TRIM37: variants seen among roughly 807,000 people sequenced by gnomAD.
TRIM37 encodes the protein tripartite motif containing 37, also known as E3 ubiquitin-protein ligase TRIM37.
Under a neutral mutation model 129.8 loss-of-function variants are expected in TRIM37, and 80 were observed. The observed-to-expected ratio is 0.62, with a 90% CI of 0.51 to 0.74. TRIM37 has a LOEUF of 0.74. TRIM37 is among the 30% of genes least tolerant of loss of function. The pLI is 0.00. For synonymous variants in TRIM37, 389 were observed against 387.1 expected, an observed-to-expected ratio of 1.00 and a Z score of -0.06; for missense variants, 1,054 against 1,176.5, an observed-to-expected ratio of 0.90 and a Z score of 1.52.
chr17:59,106,268 C>G (rs2045980019), intron 1 of TRIM37, among the ~76,000 whole-genome samples, 173 bp downstream of exon 1: 1 of 152,194 alleles, frequency 6.6e-6, no homozygotes, highest in Non-Finnish European at 1.5e-5. Context: ...ACAAGACACC[C>G]GGAGCGCTGC....
At position 58,999,212 on chromosome 17, in the gene TRIM37, A is replaced by C. The variant is rs2033352057; in HGVS notation, c.*165T>G. On this transcript the variant is annotated 3_prime_UTR_variant, in exon 24 of 24. Transcript: ENST00000262294. ...TTCCCATGTACTACTGCTGTCTTAGACTAAACTGTGCCACCTTCCAACAGT... is the reference window on the plus strand; with the variant it reads ...TTCCCATGTACTACTGCTGTCTTAGCCTAAACTGTGCCACCTTCCAACAGT... 4.6e-6 allele frequency: 7 copies of C among 1,518,768 alleles called. No homozygotes were observed. The highest frequency in any genetic ancestry group is 1.9e-4 in the Middle Eastern group (1 of 5,250). The allele number at this position is 1,518,768 out of a possible 1,614,324, so 94.1% of individuals were successfully genotyped here.
intron 21 of TRIM37, among the ~76,000 whole-genome samples, chr17:59,012,840 C>T (rs1453548904): frequency 2.0e-5 from 3 of 150,736 alleles, no homozygotes; most frequent in Admixed American, 1.3e-4. Context: ...TGCACCATTG[C>T]ACTCCAGCCT....
At chr17:59,061,798 A>G (rs1386001853) in intron 11 of TRIM37, among the ~76,000 whole-genome samples, 1 of 152,110 alleles carries the variant, frequency 6.6e-6, no homozygotes, top group Non-Finnish European at 1.5e-5. Context: ...GACAACAGAG[A>G]TCCTTATACA....
In TRIM37 at chr17:59,031,991, A is replaced by C; in HGVS notation, c.1853T>G (p.Ile618Ser). Residue 618 changes from isoleucine (I) to serine (S), a missense_variant, in exon 18 of 24, where the codon ATT becomes AGT. Coordinates refer to ENST00000262294, the MANE Select transcript of TRIM37 (RefSeq NM_015294.6). The part of the protein sequence containing the change: ...TSSLLDIDPL[I>S]LIHLLDLKDR... ...CTTAAGGTCCAACAAATGTATTAAA[A>C]TTAATGGATCAATGTCTAGTAAACT... 6.2e-7 allele frequency: 1 copy of C among 1,614,246 alleles called. No homozygotes were observed. The highest frequency in any genetic ancestry group is 1.1e-5 in the South Asian group (1 of 91,088).
rs368922934 is a variant in TRIM37, at chr17:59,051,826, G to T, written c.1200-498C>A. Among the ~76,000 whole-genome samples, 897 of 151,862 alleles carry T rather than the reference G, an allele frequency of 5.9e-3. 3 individuals carry two copies. Among genetic ancestry groups the T allele is most frequent in the African/African-American group, 0.021 (869 of 41,418 alleles). On this transcript the variant is annotated intron_variant, in intron 13 of 23. Transcript: ENST00000262294. ...GCTCACTGCAAGCTCCACCTCCCGG[G>T]TTCACGCCATTCTCCTGCCTCAGCC...
At chr17:59,005,777 T>C (rs1046929148) in intron 22 of TRIM37, among the ~76,000 whole-genome samples, 6 of 152,346 alleles carry the variant, frequency 3.9e-5, no homozygotes, top group African/African-American at 1.4e-4. Flanking sequence ...AGGATTTTGC[T>C]TCAAAATCTT....
intron 2 of TRIM37, among the ~76,000 whole-genome samples, chr17:59,093,233 G>A (rs2044557992): frequency 6.6e-6 from 1 of 152,102 alleles, no homozygotes; most frequent in Admixed American, 6.6e-5. Flanking sequence ...TTATTACCTT[G>A]GTCCCTAGGC....
At chr17:59,056,042 T>C (rs899959495) in intron 13 of TRIM37, among the ~76,000 whole-genome samples, 15 of 152,138 alleles carry the variant, frequency 9.9e-5, no homozygotes, top group African/African-American at 3.6e-4. Context: ...TAAAATTAAG[T>C]TGTAAAACCA....
In TRIM37 at chr17:59,032,094, C is replaced by A. The variant is rs1334538711; in HGVS notation, c.1754-4G>T. The A allele has an allele frequency of 6.2e-7, 1 of 1,613,200 alleles. No homozygotes were observed. Among genetic ancestry groups the A allele is most frequent in the East Asian group, 2.2e-5 (1 of 44,874 alleles). On this transcript the variant is annotated splice_polypyrimidine_tract_variant and splice_region_variant and intron_variant, in intron 17 of 23. Transcript: ENST00000262294. ...CCCACATAACCATGGCTACTACCTG[C>A]AAAAGAGGCGTAGAAAATGATATAT...
chr17:59,073,985 GGTATA>G (rs1414356923), intron 8 of TRIM37, among the ~76,000 whole-genome samples: 1 of 152,078 alleles, frequency 6.6e-6, no homozygotes, highest in Non-Finnish European at 1.5e-5. Flanking sequence ...TGAATGGTAT[GGTATA>G]GTAAATACAT....
At position 59,064,372 on chromosome 17, in the gene TRIM37, A is replaced by T. The variant is rs771176226; in HGVS notation, c.843T>A (p.Phe281Leu). 1 of 1,602,692 alleles carries T rather than the reference A, an allele frequency of 6.2e-7. No individual in the cohort carries two copies. The highest frequency in any genetic ancestry group is 8.5e-7 in the Non-Finnish European group (1 of 1,173,610). Residue 281 changes from phenylalanine (F) to leucine (L), a missense_variant, in exon 10 of 24, where the codon TTT (phenylalanine) becomes TTA (leucine). Physicochemically the swap from Phe to Leu is conservative, Grantham distance 22. Transcript: ENST00000262294. ...ACTCTTACCTGAAATTCTCTAAAAC[A>T]AAAGTAGCTGAATCGTAAGATGGCA... ...ELVPSYDSAT[F>L]VLENFSTLRQ...
chr17:59,034,346 A>G lies in TRIM37; in HGVS notation c.1754-2256T>C, dbSNP rs967512525. On this transcript the variant is annotated intron_variant, in intron 17 of 23. Coordinates refer to ENST00000262294, the MANE Select transcript of TRIM37 (RefSeq NM_015294.6). ...AGGCCATTATTCTCACTACTGAACA[A>G]AAACTGCTTTTTTTTTTAATGTGGG... is the stretch of plus-strand genomic sequence containing the variant. 3.9e-5 allele frequency among the ~76,000 whole-genome samples: 6 copies of G among 152,040 alleles called. 1 individual carries two copies. In the South Asian group the frequency reaches 1.2e-3, roughly 32 times the overall value.
chr17:59,094,878 T>G (rs1050993717), intron 2 of TRIM37, among the ~76,000 whole-genome samples: 1 of 152,050 alleles, frequency 6.6e-6, no homozygotes, highest in Non-Finnish European at 1.5e-5. Context: ...AGGCCAGGAC[T>G]GAAAAGATAA....
chr17:59,103,389 T>C (rs2147669817), intron 2 of TRIM37, among the ~76,000 whole-genome samples: 1 of 152,224 alleles, frequency 6.6e-6, no homozygotes, highest in African/African-American at 2.4e-5. Flanking sequence ...TCACCCAGGC[T>C]GGAGTGCACT....
intron 5 of TRIM37, among the ~76,000 whole-genome samples, chr17:59,081,956 AAAAAAAAAAATAAT>A (rs2043319874): frequency 2.5e-5 from 3 of 118,378 alleles, no homozygotes; most frequent in African/African-American, 1.1e-4. Flanking sequence ...AAAAAAATAA[AAAAAAAAAAATAAT>A]AATAATAATA....
chr17:59,042,447 AAAATATATATATATATAT>A (rs2039336849), intron 16 of TRIM37, among the ~76,000 whole-genome samples: 2 of 38,986 alleles, frequency 5.1e-5, no homozygotes, highest in African/African-American at 9.1e-5. Flanking sequence ...AAAAAAAAAA[AAAATATATATATATATAT>A]ATATATATAT....
chr17:58,972,405 C>T, the TRIM37 span: 2 of 1,011,216 alleles, frequency 2.0e-6, no homozygotes, highest in Non-Finnish European at 2.8e-6. Flanking sequence ...GGCTGGAGTG[C>T]AATGGTGTGA....
At chr17:59,046,031 T>C (rs2039763997) in intron 16 of TRIM37, among the ~76,000 whole-genome samples, 1 of 151,678 alleles carries the variant, frequency 6.6e-6, no homozygotes. Context: ...AAAAAAATTA[T>C]CCACATTAAT....
intron 22 of TRIM37, among the ~76,000 whole-genome samples, chr17:59,011,967 G>A (rs2035309741): frequency 1.3e-5 from 2 of 152,010 alleles, no homozygotes; most frequent in South Asian, 4.1e-4. Context: ...TGGTATGTAG[G>A]TGCCTTAACA....
Sources: allele counts gnomAD v4.1 joint callset (sites outside exome capture counted in the v4.1 genomes callset), GRCh38; gene constraint gnomAD v4.1.1; transcripts MANE v1.5; gene names NCBI Gene and HGNC (gene_info 2026-07-23, HGNC 2026-07-21).